The following DPP9 variants were observed in gnomAD, a reference collection of about 807,000 sequenced individuals.
DPP9 encodes the protein dipeptidyl peptidase 9, also known as dipeptidyl peptidase IV-related protein-2.
A neutral mutation model predicts 110.7 loss-of-function variants in DPP9; 50 were observed. The ratio of observed to expected loss-of-function variants is 0.45; its 90% CI spans 0.36 to 0.57. The LOEUF (loss-of-function observed/expected upper bound fraction) is 0.57, where lower values mean the gene tolerates loss of function less well. Among genes scored for constraint, DPP9 ranks in the 20% least tolerant of loss-of-function variants. The pLI is 0.00. For synonymous variants in DPP9, 561 were observed against 514.4 expected (o/e 1.09, Z -1.23); for missense variants, 1,022 against 1,217.9 (o/e 0.84, Z 2.39).
intron 21 of DPP9, among the ~76,000 whole-genome samples, chr19:4,678,454 C>G (rs1193375698): frequency 6.6e-6 from 1 of 152,190 alleles, no homozygotes; most frequent in Non-Finnish European, 1.5e-5. Flanking sequence ...CAGCAGCCTT[C>G]AAGGAGGCCG....
At position 4,700,326 on chromosome 19, in the gene DPP9, TGCCG is replaced by T. The variant is rs1438032583; in HGVS notation, c.1013-53_1013-50del. ...ACACCAGGCAGGCATCACCCGTGTG[TGCCG>T]AGAGCCGGCACGGGGGGCCTGGGCT... On this transcript the variant is annotated intron_variant, in intron 9 of 21. Transcript: ENST00000262960. This position sits in a 1 kb window ranked among gnomAD's most constrained non-coding sequence, Gnocchi z 4.3. 7.9e-6 allele frequency: 12 copies of T among 1,525,942 alleles called. No individual in the cohort carries two copies. The highest frequency in any genetic ancestry group is 1.4e-5 in the African/African-American group (1 of 73,030). 94.5% of individuals were successfully genotyped at this position (1,525,942 alleles called of 1,614,324 possible).
chr19:4,687,159 G>A lies in DPP9; in HGVS notation c.1886-1388C>T, dbSNP rs1259497679. ...GCTCCTGGCGGTGTCGGTGCGGACAGGAGAGTGAGGACTGGGCTCTAGAGG... is the reference window on the plus strand; with the variant it reads ...GCTCCTGGCGGTGTCGGTGCGGACAAGAGAGTGAGGACTGGGCTCTAGAGG... On this transcript the variant is annotated intron_variant, in intron 16 of 21. Transcript: ENST00000262960. This position sits in a 1 kb window ranked among gnomAD's most constrained non-coding sequence, Gnocchi z 4.7. Among the ~76,000 whole-genome samples the A allele has an allele frequency of 6.6e-6, 1 of 152,176 alleles. No homozygotes were observed. The highest frequency in any genetic ancestry group is 1.5e-5 in the Non-Finnish European group (1 of 68,022).
At position 4,683,528 on chromosome 19, in the gene DPP9, G is replaced by A. The variant is rs186155907; in HGVS notation, c.2280C>T (p.Tyr760=). 765 of 1,613,274 alleles carry A rather than the reference G, an allele frequency of 4.7e-4. 2 individuals carry two copies. In the African/African-American group the frequency reaches 6.9e-3, roughly 15 times the overall value. ...LSRVAIHGWS[Y]GGFLSLMGLI... ...GCCCCATGAGCGAGAGGAAGCCCCC[G>A]TAGGACCAGCCATGGATGGCAACTC... The change falls in exon 19 of 22, where the codon TAC becomes TAT. Residue 760 remains tyrosine, a synonymous_variant. Coordinates refer to ENST00000262960, the MANE Select transcript of DPP9 (RefSeq NM_139159.5).
At chr19:4,711,548 G>A (rs1462212174) in intron 4 of DPP9, among the ~76,000 whole-genome samples, 6 of 152,132 alleles carry the variant, frequency 3.9e-5, no homozygotes, top group African/African-American at 7.2e-5. Flanking sequence ...TGAGGCAGGC[G>A]GATCACCTGA....
chr19:4,680,586 A>G (rs1193779503), intron 20 of DPP9, among the ~76,000 whole-genome samples: 2 of 149,666 alleles, frequency 1.3e-5, no homozygotes, highest in Non-Finnish European at 3.0e-5. Context: ...GGTGGTGCAC[A>G]CCTGTGGTCC....
At chr19:4,720,041 C>CG (rs981358589) in intron 2 of DPP9, 100 bp from the exon 3 acceptor site, 6 of 888,092 alleles carry the variant, frequency 6.8e-6, no homozygotes, top group East Asian at 5.7e-5. Flanking sequence ...CTCCAGGCAG[C>CG]CCCCCAAGCC....
rs2090310703 is a variant in DPP9 at position 4,684,001 on chromosome 19, C to T, written c.2179-372G>A. On this transcript the variant is annotated intron_variant, in intron 18 of 21. Transcript: ENST00000262960. This position sits in a 1 kb window ranked among gnomAD's most constrained non-coding sequence, Gnocchi z 4.8. ...GGGCACAAAGAATGGCTGGTGCCAT[C>T]GCCGTTGTCACTACCAGCCACATCC... is the stretch of plus-strand genomic sequence containing the variant. The T allele has an allele frequency of 6.9e-6, 3 of 432,090 alleles. No individual in the cohort carries two copies. The highest frequency in any genetic ancestry group is 2.0e-5 in the South Asian group (1 of 49,138). 26.8% of individuals were successfully genotyped at this position (432,090 alleles called of 1,614,324 possible).
chr19:4,688,031 T>C (rs1047241303), intron 16 of DPP9, among the ~76,000 whole-genome samples: 1 of 152,014 alleles, frequency 6.6e-6, no homozygotes, highest in Non-Finnish European at 1.5e-5. Context: ...CTCCTGACCT[T>C]GTGATCCACC....
At chr19:4,678,174 A>G (rs995366782) in intron 21 of DPP9, among the ~76,000 whole-genome samples, 1 of 151,218 alleles carries the variant, frequency 6.6e-6, no homozygotes. Context: ...GTGCAGTGGC[A>G]CAATCTCGGT....
At position 4,695,300 on chromosome 19, in the gene DPP9, G is replaced by A; in HGVS notation, c.1353+78C>T. On this transcript the variant is annotated intron_variant, in intron 12 of 21. Coordinates refer to ENST00000262960, the MANE Select transcript of DPP9 (RefSeq NM_139159.5). This position sits in a 1 kb window ranked among gnomAD's most constrained non-coding sequence, Gnocchi z 4.7. ...AAACACCACCTGCCATTGGCGCTCA[G>A]CCTTCTAGGACGTGGGGGTGGGGAC... The A allele has an allele frequency of 1.4e-6, 2 of 1,427,976 alleles. No homozygotes were observed. Among genetic ancestry groups the A allele is most frequent in the East Asian group, 2.6e-5 (1 of 37,914 alleles). 88.5% of individuals were successfully genotyped at this position (1,427,976 alleles called of 1,614,324 possible). A position where few individuals can be genotyped will look rare whatever the true frequency, so the allele number is the denominator to read the frequency against.
chr19:4,699,997 C>T (rs1158787336), intron 10 of DPP9, among the ~76,000 whole-genome samples: 3 of 152,220 alleles, frequency 2.0e-5, no homozygotes, highest in Non-Finnish European at 2.9e-5. Flanking sequence ...TCAGGACCCA[C>T]TCTGTGAGGC....
chr19:4,709,742 T>A (rs2092745018), intron 4 of DPP9, among the ~76,000 whole-genome samples: 1 of 151,828 alleles, frequency 6.6e-6, no homozygotes, highest in Admixed American at 6.6e-5. Context: ...TAAAAGCCAC[T>A]GAGTTTCACA....
chr19:4,700,127 G>A lies in DPP9; in HGVS notation c.1074+89C>T. The A allele has an allele frequency of 9.0e-7, 1 of 1,114,094 alleles. No individual in the cohort carries two copies. Among genetic ancestry groups the A allele is most frequent in the Non-Finnish European group, 1.2e-6 (1 of 804,822 alleles). 69.0% of individuals were successfully genotyped at this position (1,114,094 alleles called of 1,614,324 possible). ...CCTGGGGAGTGCCCCCGAGAGGGAG[G>A]TGAGTGACCTGCCCATCCACCCAGC... On this transcript the variant is annotated intron_variant, in intron 10 of 21. Coordinates refer to ENST00000262960, the MANE Select transcript of DPP9 (RefSeq NM_139159.5). This position sits in a 1 kb window ranked among gnomAD's most constrained non-coding sequence, Gnocchi z 4.3.
rs950054902 is a variant in DPP9 at position 4,691,369 on chromosome 19, G to A, written c.1517-412C>T. Among the ~76,000 whole-genome samples, 8 of 152,156 alleles carry A rather than the reference G, an allele frequency of 5.3e-5. No individual in the cohort carries two copies. The East Asian group carries it at 1.5e-3, about 29-fold the overall frequency. On this transcript the variant is annotated intron_variant, in intron 13 of 21. Transcript: ENST00000262960. ...CGTGTGCCTGTGGTCCAAGCTACTT[G>A]GGAGATTGAGCTGGGAGGACTGCTT...
intron 4 of DPP9, among the ~76,000 whole-genome samples, chr19:4,708,623 A>C (rs567081420): frequency 1.3e-5 from 2 of 152,382 alleles, no homozygotes; most frequent in South Asian, 4.1e-4. Flanking sequence ...GAATGAGATC[A>C]TGTCCTTTGC....
At chr19:4,715,575 G>T (rs2093037688) in intron 3 of DPP9, 1 of 152,112 alleles carries the variant, frequency 6.6e-6, no homozygotes, top group Non-Finnish European at 1.5e-5. Flanking sequence ...GAGCACTGTG[G>T]AATGATTATC....
At position 4,690,913 on chromosome 19, in the gene DPP9, C is replaced by T. The variant is rs565508989; in HGVS notation, c.1561G>A (p.Gly521Ser). ...PIKEEIALTS[G>S]EWEVLARHGS... ...TGCCTCGCCAAAACCTCCCATTCAC[C>T]GCTGGTCAGAGCAATCTCTTCCTTA... Residue 521 changes from glycine to serine, a missense_variant, in exon 14 of 22, where the codon GGT becomes AGT. Coordinates refer to ENST00000262960, the MANE Select transcript of DPP9 (RefSeq NM_139159.5). 5 of 1,613,404 alleles carry T rather than the reference C, an allele frequency of 3.1e-6. No homozygotes were observed. Among genetic ancestry groups the T allele is most frequent in the South Asian group, 1.1e-5 (1 of 90,882 alleles).
At position 4,685,024 on chromosome 19, in the gene DPP9, T is replaced by C; in HGVS notation, c.2032-215A>G. 1.4e-6 allele frequency: 1 copy of C among 689,938 alleles called. No homozygotes were observed. The highest frequency in any genetic ancestry group is 2.0e-5 in the Admixed American group (1 of 49,194). The allele number at this position is 689,938 out of a possible 1,614,324, so 42.7% of individuals were successfully genotyped here. A position where few individuals can be genotyped will look rare whatever the true frequency, so the allele number is the denominator to read the frequency against. On this transcript the variant is annotated intron_variant, in intron 17 of 21. Coordinates refer to ENST00000262960, the MANE Select transcript of DPP9 (RefSeq NM_139159.5). The surrounding 1 kb of genome is among the most constrained non-coding windows in gnomAD (Gnocchi z 5.8). ...TGCTAGGGAGGGGGAAGGGCCACTG[T>C]CAGGCTCTTTCTCAGCTGGGCCACT...
At chr19:4,711,377 CAG>C (rs2092821244) in intron 4 of DPP9, among the ~76,000 whole-genome samples, 1 of 152,102 alleles carries the variant, frequency 6.6e-6, no homozygotes. Context: ...CTACGTTACA[CAG>C]AGAGACAGGC....
Sources: allele counts gnomAD v4.1 joint callset (sites outside exome capture counted in the v4.1 genomes callset), GRCh38; gene constraint gnomAD v4.1.1; non-coding constraint Gnocchi (gnomAD v3.1); transcripts MANE v1.5; gene names NCBI Gene and HGNC (gene_info 2026-07-23, HGNC 2026-07-21).